The following DOCK2 variants were observed in gnomAD, a reference collection of about 807,000 sequenced individuals.
The protein encoded by DOCK2 is dedicator of cytokinesis protein 2.
DOCK2 carries 87 observed loss-of-function variants against 248.9 expected under a neutral mutation model. The ratio of observed to expected loss-of-function variants is 0.35; its 90% CI spans 0.29 to 0.42. The LOEUF is 0.42. DOCK2 is among the 10% of genes least tolerant of loss of function. DOCK2 has a pLI of 1.00. For missense variants in DOCK2, 1,747 were observed against 2,300.2 expected (o/e 0.76, Z 4.92); for synonymous variants, 805 against 821.6 (o/e 0.98, Z 0.35).
chr5:169,638,820 G>A (rs1756994208), intron 1 of DOCK2, among the ~76,000 whole-genome samples: 1 of 152,148 alleles, frequency 6.6e-6, no homozygotes, highest in African/African-American at 2.4e-5. Flanking sequence ...TACAGGTGAA[G>A]TAACCAAGTT....
chr5:169,746,520 T>C (rs1195495518), intron 22 of DOCK2, among the ~76,000 whole-genome samples: 2 of 152,138 alleles, frequency 1.3e-5, no homozygotes, highest in Non-Finnish European at 2.9e-5. Flanking sequence ...TTTATCTGAA[T>C]TGGAGACAGG....
intron 27 of DOCK2, among the ~76,000 whole-genome samples, chr5:169,928,124 T>C (rs1009196517): frequency 1.3e-5 from 2 of 152,148 alleles, no homozygotes; most frequent in Non-Finnish European, 2.9e-5. Context: ...CTTCAGGCCT[T>C]CCCAGCCAAA....
chr5:169,805,108 G>A (rs1767274608), intron 26 of DOCK2, among the ~76,000 whole-genome samples: 1 of 151,266 alleles, frequency 6.6e-6, no homozygotes, highest in Non-Finnish European at 1.5e-5. Flanking sequence ...AGCCAGGGAG[G>A]TTGATCATGC....
chr5:169,864,319 C>CT, intron 27 of DOCK2: 1 of 1,551,632 alleles, frequency 6.4e-7, no homozygotes, highest in Non-Finnish European at 8.7e-7. Flanking sequence ...GGTTTTCCGC[C>CT]TTAAGTCCTG....
At position 170,069,193 on chromosome 5, in the gene DOCK2, C is replaced by A. The variant is rs376091703; in HGVS notation, c.4701C>A (p.Thr1567=). ...ACCCTGAGGACCAGGACAAGCTGAC[C>A]CACCTCAAGGACCTGATTGCATGGC... The part of the protein sequence containing the change: ...RDHPEDQDKL[T]HLKDLIAWQI... Residue 1567 remains threonine (T), a synonymous_variant, in exon 46 of 52, where the codon ACC becomes ACA. Coordinates refer to ENST00000520908, the MANE Select transcript of DOCK2 (RefSeq NM_004946.3). The A allele has an allele frequency of 1.2e-6, 2 of 1,614,078 alleles. No homozygotes were observed. The highest frequency in any genetic ancestry group is 3.3e-5 in the Admixed American group (2 of 60,022).
intron 9 of DOCK2, among the ~76,000 whole-genome samples, chr5:169,694,635 G>T (rs1193425067): frequency 6.6e-6 from 1 of 152,198 alleles, no homozygotes; most frequent in Admixed American, 6.5e-5. Context: ...GGTGATGCAG[G>T]AATCACTTAG....
intron 27 of DOCK2, among the ~76,000 whole-genome samples, chr5:169,972,582 TAGATGATAGATAGATAGATA>T (rs1383373675): frequency 9.8e-5 from 6 of 61,506 alleles, no homozygotes; most frequent in African/African-American, 4.1e-4. Context: ...GATAGATAGA[TAGATGATAGATAGATAGATA>T]GATAGATAGA....
At chr5:169,864,467 A>G (rs749102283) in intron 27 of DOCK2, 136 of 1,518,362 alleles carry the variant, frequency 9.0e-5, no homozygotes, top group Non-Finnish European at 1.2e-4. Flanking sequence ...ACACTGAAAA[A>G]CACAGAGAGG....
At chr5:169,660,314 G>A (rs1404774968) in intron 2 of DOCK2, among the ~76,000 whole-genome samples, 1 of 152,142 alleles carries the variant, frequency 6.6e-6, no homozygotes, top group Non-Finnish European at 1.5e-5. Flanking sequence ...AGACTCAGAG[G>A]CAGAGTGAGA....
At chr5:169,793,423 C>T (rs1766469657) in intron 25 of DOCK2, among the ~76,000 whole-genome samples, 4 of 152,124 alleles carry the variant, frequency 2.6e-5, no homozygotes, top group Admixed American at 2.6e-4. Context: ...AATCATATTT[C>T]CTGAGTTTAA....
intron 41 of DOCK2, among the ~76,000 whole-genome samples, chr5:170,053,847 T>C (rs1474621907): frequency 1.3e-5 from 2 of 152,168 alleles, no homozygotes; most frequent in African/African-American, 4.8e-5. Flanking sequence ...TAGGTTTTGG[T>C]CATTTCTTAT....
rs1764494423 is a variant in DOCK2, at chr5:169,761,642, C to T, written c.2554+17C>T. On this transcript the variant is annotated intron_variant, in intron 25 of 51. Coordinates refer to ENST00000520908, the MANE Select transcript of DOCK2 (RefSeq NM_004946.3). ...AAAAGCAAGGTGAGTACACAGCACC[C>T]TTGCTGGGGTGGGGTAAGGGGCCAA... The T allele has an allele frequency of 6.2e-7, 1 of 1,609,218 alleles. No homozygotes were observed. Among genetic ancestry groups the T allele is most frequent in the Admixed American group, 1.7e-5 (1 of 59,888 alleles).
intron 27 of DOCK2, among the ~76,000 whole-genome samples, chr5:169,904,532 G>A (rs1159257033): frequency 6.6e-6 from 1 of 151,986 alleles, no homozygotes; most frequent in African/African-American, 2.4e-5. Context: ...GGTGGGAAGG[G>A]GTTGGCAGAG....
chr5:170,028,930 A>G (rs1401178514), intron 34 of DOCK2, among the ~76,000 whole-genome samples: 1 of 152,208 alleles, frequency 6.6e-6, no homozygotes, highest in Non-Finnish European at 1.5e-5. Context: ...GGTAATTAAA[A>G]TATTTGGTAC....
At chr5:169,952,759 C>T (rs544121623) in intron 27 of DOCK2, among the ~76,000 whole-genome samples, 3 of 152,076 alleles carry the variant, frequency 2.0e-5, no homozygotes, top group Non-Finnish European at 4.4e-5. Flanking sequence ...TTCCAAGCTT[C>T]GTTTGATGCC....
At chr5:169,967,475 C>T (rs1177128036) in intron 27 of DOCK2, among the ~76,000 whole-genome samples, 1 of 152,050 alleles carries the variant, frequency 6.6e-6, no homozygotes, top group South Asian at 2.1e-4. Flanking sequence ...TTCTGTGTGG[C>T]CGGATGATAA....
At chr5:169,708,313 G>A (rs1289312628) in intron 15 of DOCK2, 46 bp downstream of exon 15, 1 of 1,563,454 alleles carries the variant, frequency 6.4e-7, no homozygotes, top group Admixed American at 1.7e-5. Context: ...TTCTTACCAT[G>A]AACCAGGCAC....
intron 27 of DOCK2, among the ~76,000 whole-genome samples, chr5:169,925,572 T>A (rs1775397149): frequency 9.5e-6 from 1 of 105,002 alleles, no homozygotes; most frequent in African/African-American, 4.0e-5. Context: ...AGAGCAAGAC[T>A]CTGTCTTAAA....
In DOCK2 at chr5:169,889,325, C is replaced by T. The variant is rs374641075; in HGVS notation, c.2799+48473C>T. On this transcript the variant is annotated intron_variant, in intron 27 of 51. Coordinates refer to ENST00000520908, the MANE Select transcript of DOCK2 (RefSeq NM_004946.3). ...TAGTCTACTATGCTTTCTCTATTTACGGCAGCTTTAATTTGGTTAAACTTT... is the reference window on the plus strand; with the variant it reads ...TAGTCTACTATGCTTTCTCTATTTATGGCAGCTTTAATTTGGTTAAACTTT... Among the ~76,000 whole-genome samples, 43 of 152,186 alleles carry T rather than the reference C, an allele frequency of 2.8e-4. No homozygotes were observed. In the East Asian group the frequency reaches 6.0e-3, roughly 21 times the overall value.
Sources: allele counts gnomAD v4.1 joint callset (sites outside exome capture counted in the v4.1 genomes callset), GRCh38; gene constraint gnomAD v4.1.1; transcripts MANE v1.5; gene names NCBI Gene and HGNC (gene_info 2026-07-23, HGNC 2026-07-21).